DLGAP1: variants seen among roughly 807,000 people sequenced by gnomAD.
The protein encoded by DLGAP1 is DLG associated protein 1.
A neutral mutation model predicts 90.8 loss-of-function variants in DLGAP1; 11 were observed. That is an observed-to-expected ratio of 0.12 (90% CI 0.08 to 0.20). The LOEUF is 0.20. Among genes scored for constraint, DLGAP1 ranks in the 10% least tolerant of loss-of-function variants. The pLI, the probability that DLGAP1 is intolerant of heterozygous loss-of-function variation, is 1.00. For missense variants in DLGAP1, 1,050 were observed against 1,333.8 expected, an observed-to-expected ratio of 0.79 and a Z score of 3.31; for synonymous variants, 558 against 540.7, an observed-to-expected ratio of 1.03 and a Z score of -0.44.
At chr18:4,400,069 A>C (rs1462024687) in intron 1 of DLGAP1, among the ~76,000 whole-genome samples, 2 of 151,712 alleles carry the variant, frequency 1.3e-5, no homozygotes, top group African/African-American at 4.8e-5. Flanking sequence ...TTCCTGCACC[A>C]CATGTTCCCC....
intron 1 of DLGAP1, among the ~76,000 whole-genome samples, chr18:4,408,239 T>C (rs768254842): frequency 6.6e-6 from 1 of 152,148 alleles, no homozygotes; most frequent in Non-Finnish European, 1.5e-5. Flanking sequence ...ATATTCACGG[T>C]AGTGGTTACA....
At chr18:3,943,794 A>G (rs2072820825) in intron 3 of DLGAP1, among the ~76,000 whole-genome samples, 1 of 152,128 alleles carries the variant, frequency 6.6e-6, no homozygotes, top group South Asian at 2.1e-4. Context: ...TAAAGAGGCA[A>G]TTAGGTTCAG....
At chr18:4,413,425 G>A (rs1477479510) in intron 1 of DLGAP1, among the ~76,000 whole-genome samples, 1 of 152,142 alleles carries the variant, frequency 6.6e-6, no homozygotes, top group African/African-American at 2.4e-5. Context: ...GTGCCATGAA[G>A]CTCCGAAGTC....
intron 3 of DLGAP1, among the ~76,000 whole-genome samples, chr18:3,968,959 C>T (rs767218850): frequency 1.3e-5 from 2 of 151,664 alleles, no homozygotes; most frequent in Non-Finnish European, 2.9e-5. Context: ...ATTCTTTCTC[C>T]AACTTTCTTT....
At chr18:3,631,569 A>T (rs2058526319) in intron 7 of DLGAP1, among the ~76,000 whole-genome samples, 1 of 152,078 alleles carries the variant, frequency 6.6e-6, no homozygotes, top group African/African-American at 2.4e-5. Flanking sequence ...CAACATAGTG[A>T]GACCTTGACT....
At chr18:3,572,554 A>G (rs1012894272) in intron 8 of DLGAP1, among the ~76,000 whole-genome samples, 1 of 152,014 alleles carries the variant, frequency 6.6e-6, no homozygotes, top group Non-Finnish European at 1.5e-5. Context: ...GGTTCAAGTG[A>G]TTCTCCTGCC....
At chr18:3,796,740 G>A (rs938311277) in intron 5 of DLGAP1, among the ~76,000 whole-genome samples, 6 of 152,192 alleles carry the variant, frequency 3.9e-5, no homozygotes, top group Admixed American at 3.9e-4. Flanking sequence ...AATTCCAGCA[G>A]CAGGCACATT....
intron 4 of DLGAP1, among the ~76,000 whole-genome samples, chr18:3,819,053 TG>T (rs1192238663): frequency 6.6e-6 from 1 of 151,746 alleles, no homozygotes; most frequent in African/African-American, 2.4e-5. Context: ...GGCTCATGCC[TG>T]TAATTCCAGC....
intron 4 of DLGAP1, among the ~76,000 whole-genome samples, chr18:3,876,919 G>T (rs953702012): frequency 1.3e-5 from 2 of 152,066 alleles, no homozygotes; most frequent in African/African-American, 4.8e-5. Flanking sequence ...TTATTTTAAA[G>T]ATTTTTATTT....
intron 9 of DLGAP1, 69 bp from the exon 10 acceptor site, chr18:3,534,684 T>C: frequency 7.5e-7 from 1 of 1,336,308 alleles, no homozygotes; most frequent in African/African-American, 1.6e-5. Context: ...CTTCCTTCCT[T>C]CCTTTCTTTC....
chr18:4,367,765 C>T (rs754598899), intron 1 of DLGAP1, among the ~76,000 whole-genome samples: 19 of 151,840 alleles, frequency 1.3e-4, no homozygotes, highest in African/African-American at 3.4e-4. Context: ...AGGAGAATGG[C>T]GTGAACCCGG....
intron 3 of DLGAP1, among the ~76,000 whole-genome samples, chr18:3,936,745 G>C (rs927900045): frequency 6.6e-6 from 1 of 152,194 alleles, no homozygotes; most frequent in Non-Finnish European, 1.5e-5. Flanking sequence ...GGTTCCTCCA[G>C]TACCTCAATA....
chr18:4,356,718 C>T (rs1243157655), intron 1 of DLGAP1, among the ~76,000 whole-genome samples: 3 of 152,170 alleles, frequency 2.0e-5, no homozygotes, highest in East Asian at 1.9e-4. Flanking sequence ...ATGCCTGTTC[C>T]GTGCAGTAAA....
intron 5 of DLGAP1, among the ~76,000 whole-genome samples, chr18:3,780,119 TAAAA>T (rs1175645728): frequency 1.3e-5 from 2 of 152,036 alleles, no homozygotes; most frequent in African/African-American, 4.8e-5. Flanking sequence ...CCCACAGGCT[TAAAA>T]AAAATTTTAA....
At chr18:3,742,928 A>G (rs1454041099) in intron 5 of DLGAP1, among the ~76,000 whole-genome samples, 1 of 150,868 alleles carries the variant, frequency 6.6e-6, no homozygotes. Context: ...ATCTATATCT[A>G]TATTTTTATC....
chr18:3,704,661 T>TA (rs1196428956), intron 7 of DLGAP1, among the ~76,000 whole-genome samples: 3 of 151,928 alleles, frequency 2.0e-5, no homozygotes, highest in African/African-American at 7.2e-5. Context: ...TTTTTTTTTT[T>TA]AAATCTTCTT....
At position 3,499,288 on chromosome 18, in the gene DLGAP1, C is replaced by T; in HGVS notation, c.2831G>A (p.Arg944His). 2 of 1,592,756 alleles carry T rather than the reference C, an allele frequency of 1.3e-6. No individual in the cohort carries two copies. The highest frequency in any genetic ancestry group is 1.1e-5 in the South Asian group (1 of 88,382). ...CGCGGCGCGCTTGGCGGCCATCAGGCGCTTGCGGGCCTCCTGGCGCTGCGA... is the reference window on the plus strand; with the variant it reads ...CGCGGCGCGCTTGGCGGCCATCAGGTGCTTGCGGGCCTCCTGGCGCTGCGA... ...ESSQRQEARK[R>H]LMAAKRAASV... Residue 944 changes from arginine to histidine, a missense_variant, in exon 13 of 13, where the codon CGC (arginine) becomes CAC (histidine). Arg to His is a conservative substitution (Grantham distance 29). Around this residue, in one of 2 missense-constraint regions of DLGAP1, gnomAD observed 565 missense variants for 879.7 expected, o/e 0.64. Coordinates refer to ENST00000315677, the MANE Select transcript of DLGAP1 (RefSeq NM_004746.4). The surrounding 1 kb of genome is among the most constrained non-coding windows in gnomAD (Gnocchi z 6.4).
intron 3 of DLGAP1, among the ~76,000 whole-genome samples, chr18:3,914,410 T>C (rs1192663928): frequency 6.6e-6 from 1 of 152,228 alleles, no homozygotes; most frequent in Non-Finnish European, 1.5e-5. Flanking sequence ...TGAATAGTGT[T>C]CAATTTTTAA....
chr18:4,390,186 C>T (rs1466372384), intron 1 of DLGAP1, among the ~76,000 whole-genome samples: 1 of 150,780 alleles, frequency 6.6e-6, no homozygotes, highest in Non-Finnish European at 1.5e-5. Context: ...AAGATGTATT[C>T]CTCCCCCTTT....
Sources: gnomAD v4.1 joint callset for allele counts (sites outside exome capture counted in the v4.1 genomes callset) on GRCh38, gnomAD v4.1.1 for gene constraint, gnomAD v4.1.1 regional missense constraint, Gnocchi (gnomAD v3.1) non-coding constraint, MANE v1.5 for transcripts, NCBI Gene and HGNC (gene_info 2026-07-23, HGNC 2026-07-21) for gene names.